Variants in USH2A observed in about 807,000 individuals in gnomAD.
USH2A encodes the protein Usher syndrome 2A (autosomal recessive, mild).
A neutral mutation model predicts 538.9 loss-of-function variants in USH2A; 443 were observed. That is an observed-to-expected ratio of 0.82 (90% CI 0.76 to 0.89). The LOEUF (loss-of-function observed/expected upper bound fraction) is 0.89, where lower values mean the gene tolerates loss of function less well. Ranked by LOEUF, USH2A falls within the 40% of genes least tolerant of loss-of-function variation. The probability of loss-of-function intolerance (pLI) is 0.00; values close to 1 mark genes in which losing one functional copy is unlikely to be tolerated. For synonymous variants in USH2A, 2,413 were observed against 2,273.5 expected (o/e 1.06, Z -1.75); for missense variants, 6,633 against 6,324.8 (o/e 1.05, Z -1.65).
chr1:216,246,824 C>A lies in USH2A; in HGVS notation c.2570G>T (p.Gly857Val). The change falls in exon 13 of 72, where the codon GGC (glycine) becomes GTC (valine). Residue 857 changes from glycine to valine, a missense_variant. Physicochemically the swap from Gly to Val is moderately radical, Grantham distance 109. Coordinates refer to ENST00000307340, the MANE Select transcript of USH2A (RefSeq NM_206933.4). ...CNCDKTGTIN[G>V]SLLCNKSTGQ... Reference sequence around the variant, plus strand: ...TGTTGATTTGTTACACAGCAGAGAGCCATTTATTGTCCCAGTCTTATCACA... The same window carrying A: ...TGTTGATTTGTTACACAGCAGAGAGACATTTATTGTCCCAGTCTTATCACA... 1 of 1,614,130 alleles carries A rather than the reference C, an allele frequency of 6.2e-7. No homozygotes were observed. The highest frequency in any genetic ancestry group is 8.5e-7 in the Non-Finnish European group (1 of 1,179,974).
At chr1:215,714,830 G>A (rs1040360466) in intron 61 of USH2A, among the ~76,000 whole-genome samples, 1 of 152,152 alleles carries the variant, frequency 6.6e-6, no homozygotes, top group African/African-American at 2.4e-5. Flanking sequence ...AAGTGCCGAG[G>A]TGTTTTTGGT....
rs1473887631 is a variant in USH2A at position 215,692,927 on chromosome 1, A to G, written c.12067-12551T>C. On this transcript the variant is annotated intron_variant, in intron 61 of 71. Coordinates refer to ENST00000307340, the MANE Select transcript of USH2A (RefSeq NM_206933.4). The stretch of plus-strand genomic sequence containing the variant: ...TTCGTTTTTAATTTTTTTTTGAGAC[A>G]GAGTCTCACTCTGTTGCCCGGGTTG... Among the ~76,000 whole-genome samples the G allele has an allele frequency of 2.0e-5, 3 of 151,464 alleles. No homozygotes were observed. The East Asian group carries it at 5.8e-4, about 29-fold the overall frequency.
intron 21 of USH2A, among the ~76,000 whole-genome samples, chr1:216,126,029 C>A (rs2033245115): frequency 2.0e-5 from 3 of 152,100 alleles, no homozygotes; most frequent in Non-Finnish European, 4.4e-5. Context: ...TGTTTTAATG[C>A]CTTTTCCCCT....
In USH2A at chr1:215,671,046, C is replaced by A; in HGVS notation, c.14059G>T (p.Val4687Phe). 6.2e-7 allele frequency: 1 copy of A among 1,614,126 alleles called. No individual in the cohort carries two copies. The highest frequency in any genetic ancestry group is 2.2e-5 in the East Asian group (1 of 44,860). The part of the protein sequence containing the change: ...IATQPRKSNP[V>F]LIYNGSSTSF... Reference sequence around the variant, plus strand: ...GTTGAGCTTCCGTTATAGATTAGGACTGGATTGGATTTTCTAGGCTGAGTT... The same window carrying A: ...GTTGAGCTTCCGTTATAGATTAGGAATGGATTGGATTTTCTAGGCTGAGTT... Residue 4687 changes from valine to phenylalanine, a missense_variant, in exon 64 of 72, where the codon GTC (valine) becomes TTC (phenylalanine). Physicochemically the swap from Val to Phe is conservative, Grantham distance 50 (BLOSUM62 -1). Transcript: ENST00000307340.
chr1:216,336,351 A>C (rs1267349815), intron 4 of USH2A, among the ~76,000 whole-genome samples: 1 of 151,336 alleles, frequency 6.6e-6, no homozygotes, highest in Non-Finnish European at 1.5e-5. Flanking sequence ...ACAAGATAAC[A>C]ATGTCCACTT....
chr1:215,686,848 A>G (rs891399312), intron 61 of USH2A, among the ~76,000 whole-genome samples: 1 of 152,140 alleles, frequency 6.6e-6, no homozygotes, highest in African/African-American at 2.4e-5. Context: ...TTCTTTATGG[A>G]ACGTTCACTC....
At chr1:216,106,377 CTATTCT>C (rs1292749070) in intron 21 of USH2A, among the ~76,000 whole-genome samples, 1 of 150,064 alleles carries the variant, frequency 6.7e-6, no homozygotes, top group Admixed American at 6.7e-5. Context: ...TTCATCTCTC[CTATTCT>C]TAGTTTGCTG....
At chr1:216,160,324 G>GT (rs1162663296) in intron 21 of USH2A, among the ~76,000 whole-genome samples, 3 of 151,784 alleles carry the variant, frequency 2.0e-5, no homozygotes, top group Non-Finnish European at 4.4e-5. Context: ...ATCCTACAAT[G>GT]TTTTTATATG....
chr1:216,392,906 G>A (rs911423790), intron 3 of USH2A, among the ~76,000 whole-genome samples: 6 of 152,102 alleles, frequency 3.9e-5, no homozygotes, highest in Non-Finnish European at 5.9e-5. Flanking sequence ...TTCCAAAAAT[G>A]TATACTCAAT....
At chr1:215,762,867 G>T (rs1017677966) in intron 56 of USH2A, among the ~76,000 whole-genome samples, 4 of 152,110 alleles carry the variant, frequency 2.6e-5, no homozygotes, top group African/African-American at 9.7e-5. Context: ...AAAGGGGAAA[G>T]GTAGAATTAA....
intron 13 of USH2A, among the ~76,000 whole-genome samples, chr1:216,236,575 T>C (rs1441728368): frequency 6.6e-6 from 1 of 152,158 alleles, no homozygotes; most frequent in Admixed American, 6.6e-5. Context: ...GATGGATAAA[T>C]ATCTTCTATC....
intron 11 of USH2A, among the ~76,000 whole-genome samples, chr1:216,256,727 G>T (rs1285340201): frequency 6.6e-6 from 1 of 151,828 alleles, no homozygotes; most frequent in Non-Finnish European, 1.5e-5. Flanking sequence ...TCTTATGATT[G>T]TCCTAAAGAT....
intron 5 of USH2A, 112 bp downstream of exon 5, chr1:216,327,479 T>C: frequency 7.7e-7 from 1 of 1,292,118 alleles, no homozygotes; most frequent in East Asian, 2.4e-5. Context: ...AGGTGAAGTT[T>C]GCCAAATGGT....
At chr1:216,389,639 T>C (rs1183241713) in intron 3 of USH2A, among the ~76,000 whole-genome samples, 2 of 152,182 alleles carry the variant, frequency 1.3e-5, no homozygotes, top group East Asian at 1.9e-4. Flanking sequence ...TAAAGGAGAT[T>C]TATATGCTAT....
intron 60 of USH2A, among the ~76,000 whole-genome samples, chr1:215,736,956 T>C (rs1405699613): frequency 2.6e-5 from 4 of 152,134 alleles, no homozygotes; most frequent in Middle Eastern, 3.4e-3. Context: ...ACAATTTTAA[T>C]TGACCCAGTA....
At chr1:215,994,307 CTGAG>C (rs1191586802) in intron 34 of USH2A, among the ~76,000 whole-genome samples, 1 of 152,072 alleles carries the variant, frequency 6.6e-6, no homozygotes, top group African/African-American at 2.4e-5. Flanking sequence ...CAGTTTGATA[CTGAG>C]TGAGTGATTT....
At chr1:215,750,312 T>C (rs1162161073) in intron 58 of USH2A, among the ~76,000 whole-genome samples, 3 of 152,148 alleles carry the variant, frequency 2.0e-5, no homozygotes, top group African/African-American at 7.2e-5. Context: ...ATAATAGTTA[T>C]CATTTATGTC....
Position 215,844,283 on chromosome 1 carries a change from A to G in USH2A, c.9258+11T>C. On this transcript the variant is annotated intron_variant, in intron 46 of 71. Transcript: ENST00000307340. Reference sequence around the variant, plus strand: ...TCCATAAGCCTAACCATCAAAAAACAATGTTCTAACCTGAATGTCATAGAT... The same window carrying G: ...TCCATAAGCCTAACCATCAAAAAACGATGTTCTAACCTGAATGTCATAGAT... 2 of 1,613,098 alleles carry G rather than the reference A, an allele frequency of 1.2e-6. No individual in the cohort carries two copies. Among genetic ancestry groups the G allele is most frequent in the Non-Finnish European group, 1.7e-6 (2 of 1,179,502 alleles).
chr1:215,747,629 T>G (rs1660507280), intron 58 of USH2A, among the ~76,000 whole-genome samples: 1 of 152,170 alleles, frequency 6.6e-6, no homozygotes, highest in Admixed American at 6.5e-5. Context: ...AAAAAGTATT[T>G]TTTGGAGGGT....
Sources: allele counts gnomAD v4.1 joint callset (sites outside exome capture counted in the v4.1 genomes callset), GRCh38; gene constraint gnomAD v4.1.1; transcripts MANE v1.5; gene names NCBI Gene and HGNC (gene_info 2026-07-23, HGNC 2026-07-21).